The following NOS1AP variants were observed in gnomAD, a reference collection of about 807,000 sequenced individuals.
NOS1AP encodes carboxyl-terminal PDZ ligand of neuronal nitric oxide synthase protein.
Under a neutral mutation model 56.2 loss-of-function variants are expected in NOS1AP, and 21 were observed. The ratio of observed to expected loss-of-function variants is 0.37; its 90% CI spans 0.26 to 0.54. NOS1AP has a LOEUF of 0.54. Among genes scored for constraint, NOS1AP ranks in the 20% least tolerant of loss-of-function variants. NOS1AP has a pLI of 0.84. For missense variants in NOS1AP, 522 were observed against 657.8 expected (o/e 0.79, Z 2.26); for synonymous variants, 270 against 274.6 (o/e 0.98, Z 0.17).
intron 1 of NOS1AP, among the ~76,000 whole-genome samples, chr1:162,147,468 G>A (rs1481449832): frequency 6.6e-6 from 1 of 152,168 alleles, no homozygotes; most frequent in Non-Finnish European, 1.5e-5. Flanking sequence ...TCTATGGATG[G>A]CAATTACATT....
At chr1:162,321,823 G>T (rs1404966885) in intron 4 of NOS1AP, among the ~76,000 whole-genome samples, 1 of 151,158 alleles carries the variant, frequency 6.6e-6, no homozygotes, top group Admixed American at 6.6e-5. Flanking sequence ...ACCAAAGACT[G>T]CATGTTCCTA....
At chr1:162,081,774 A>ATATTTTT in intron 1 of NOS1AP, among the ~76,000 whole-genome samples, 14 of 44,058 alleles carry the variant, frequency 3.2e-4, no homozygotes, top group African/African-American at 1.1e-3. Context: ...ATATATATAT[A>ATATTTTT]TTTTTTTTTT....
chr1:162,198,253 G>A (rs1651872827), intron 2 of NOS1AP, among the ~76,000 whole-genome samples: 1 of 152,304 alleles, frequency 6.6e-6, no homozygotes, highest in African/African-American at 2.4e-5. Context: ...TTCTCTGATG[G>A]CTCTTCTTAT....
At chr1:162,099,366 A>G (rs1164027898) in intron 1 of NOS1AP, among the ~76,000 whole-genome samples, 1 of 151,596 alleles carries the variant, frequency 6.6e-6, no homozygotes, top group East Asian at 1.9e-4. Context: ...TTTTTCTTGT[A>G]TTTTTAGTAG....
chr1:162,287,896 G>C (rs1438404918), intron 3 of NOS1AP, among the ~76,000 whole-genome samples: 1 of 152,144 alleles, frequency 6.6e-6, no homozygotes, highest in African/African-American at 2.4e-5. Context: ...GTATGTCCTT[G>C]CATCCTCCTG....
chr1:162,294,296 T>C (rs1486441835), intron 3 of NOS1AP, among the ~76,000 whole-genome samples: 1 of 151,940 alleles, frequency 6.6e-6, no homozygotes, highest in Non-Finnish European at 1.5e-5. Context: ...CTTGGCAAGG[T>C]TTCAGGGTGT....
At chr1:162,315,845 G>A (rs1656211300) in intron 4 of NOS1AP, among the ~76,000 whole-genome samples, 1 of 152,144 alleles carries the variant, frequency 6.6e-6, no homozygotes, top group Admixed American at 6.5e-5. Flanking sequence ...CCCCACAGTG[G>A]GGATCTAATT....
chr1:162,332,168 G>A (rs1656790745), intron 4 of NOS1AP, among the ~76,000 whole-genome samples: 1 of 152,092 alleles, frequency 6.6e-6, no homozygotes, highest in Non-Finnish European at 1.5e-5. Context: ...GAACACTGCA[G>A]GGCTTGTAAA....
chr1:162,363,416 C>T (rs910899365), intron 8 of NOS1AP: 1 of 152,656 alleles, frequency 6.6e-6, no homozygotes, highest in Non-Finnish European at 1.5e-5. Flanking sequence ...CCTCCAGGAA[C>T]CTCTAAATGT....
chr1:162,334,355 A>G (rs1050839656), intron 5 of NOS1AP, among the ~76,000 whole-genome samples: 1 of 152,210 alleles, frequency 6.6e-6, no homozygotes, highest in Admixed American at 6.5e-5. Flanking sequence ...AGATAATAGT[A>G]TAGCTGAGAG....
intron 2 of NOS1AP, among the ~76,000 whole-genome samples, chr1:162,268,390 C>T (rs535307805): frequency 5.3e-5 from 8 of 152,146 alleles, no homozygotes; most frequent in African/African-American, 1.9e-4. Flanking sequence ...AAAAGATCTC[C>T]AGGCCTTGAC....
chr1:162,286,473 C>G (rs906191194), intron 2 of NOS1AP, among the ~76,000 whole-genome samples: 3 of 152,210 alleles, frequency 2.0e-5, no homozygotes, highest in African/African-American at 7.2e-5. Context: ...TTTTAATAAA[C>G]TGGAGAAGTG....
intron 6 of NOS1AP, among the ~76,000 whole-genome samples, chr1:162,354,200 G>C (rs1216405509): frequency 6.6e-6 from 1 of 152,254 alleles, no homozygotes; most frequent in Non-Finnish European, 1.5e-5. Context: ...CATCAGCTCT[G>C]TGTCTCCTGC....
rs1228040758 is a variant in NOS1AP at position 162,146,591 on chromosome 1, G to A, written c.106-7814G>A. Among the ~76,000 whole-genome samples, 5 of 152,138 alleles carry A rather than the reference G, an allele frequency of 3.3e-5. No homozygotes were observed. In the East Asian group the frequency reaches 5.8e-4, roughly 18 times the overall value. ...TGCCTGTGGGGTTGTGCTGCCAGAC[G>A]AGATGCCCCACACCCAAGCCTCACC... is the stretch of plus-strand genomic sequence containing the variant. On this transcript the variant is annotated intron_variant, in intron 1 of 9. Transcript: ENST00000361897.
intron 2 of NOS1AP, among the ~76,000 whole-genome samples, chr1:162,199,334 G>A (rs1036104958): frequency 1.1e-4 from 16 of 152,298 alleles, no homozygotes; most frequent in Non-Finnish European, 2.2e-4. Flanking sequence ...TGCCGGTTAC[G>A]TCCTCACTGT....
At chr1:162,224,717 A>C (rs1652885973) in intron 2 of NOS1AP, among the ~76,000 whole-genome samples, 1 of 152,224 alleles carries the variant, frequency 6.6e-6, no homozygotes, top group African/African-American at 2.4e-5. Context: ...ATCCAGAGTA[A>C]CTTAGGGCAG....
intron 2 of NOS1AP, among the ~76,000 whole-genome samples, chr1:162,204,165 G>A (rs1224239427): frequency 6.6e-6 from 1 of 152,234 alleles, no homozygotes; most frequent in Admixed American, 6.5e-5. Flanking sequence ...TAGCCCAAAA[G>A]GGCACAAGCA....
chr1:162,255,836 G>A (rs1023743090), intron 2 of NOS1AP, among the ~76,000 whole-genome samples: 32 of 152,198 alleles, frequency 2.1e-4, no homozygotes, highest in Non-Finnish European at 1.5e-5. Flanking sequence ...GGGTAGGAAT[G>A]AGGGAAATAA....
At chr1:162,359,487 C>T (rs574616935) in intron 8 of NOS1AP, among the ~76,000 whole-genome samples, 15 of 152,324 alleles carry the variant, frequency 9.8e-5, no homozygotes, top group Admixed American at 2.6e-4. Context: ...TTTCAGCTCT[C>T]CTGTCCTGCA....
Sources: allele counts gnomAD v4.1 joint callset (sites outside exome capture counted in the v4.1 genomes callset), GRCh38; gene constraint gnomAD v4.1.1; transcripts MANE v1.5; gene names NCBI Gene and HGNC (gene_info 2026-07-23, HGNC 2026-07-21).